Variants in TLK2 observed in about 807,000 individuals in gnomAD.
TLK2 encodes serine/threonine-protein kinase tousled-like 2.
In TLK2, 6 loss-of-function variants were observed where a neutral mutation model predicts 117.3. The ratio of observed to expected loss-of-function variants is 0.05; its 90% confidence interval spans 0.03 to 0.10. The LOEUF (loss-of-function observed/expected upper bound fraction) is 0.10. Among genes scored for constraint, TLK2 ranks in the 10% least tolerant of loss-of-function variants. The pLI, the probability that TLK2 is intolerant of heterozygous loss-of-function variation, is 1.00. For missense variants in TLK2, 299 were observed against 901.2 expected (o/e 0.33, Z 8.56); for synonymous variants, 257 against 316.7 (o/e 0.81, Z 2.00).
At chr17:62,579,439 T>C (rs139428615) in intron 14 of TLK2, among the ~76,000 whole-genome samples, 9 of 152,350 alleles carry the variant, frequency 5.9e-5, no homozygotes, top group African/African-American at 2.2e-4. Flanking sequence ...GTAATGTCTC[T>C]CCAGATAGGC....
chr17:62,595,285 T>C (rs1345807932), intron 16 of TLK2, among the ~76,000 whole-genome samples: 10 of 133,932 alleles, frequency 7.5e-5, no homozygotes, highest in African/African-American at 2.2e-4. Flanking sequence ...CTGGCCCCCT[T>C]TTTTTTTTTT....
chr17:62,571,669 A>G (rs1463937887), intron 11 of TLK2, among the ~76,000 whole-genome samples: 1 of 152,156 alleles, frequency 6.6e-6, no homozygotes, highest in Non-Finnish European at 1.5e-5. Flanking sequence ...TTTCTTTGTA[A>G]TACTCTGATT....
intron 16 of TLK2, among the ~76,000 whole-genome samples, chr17:62,593,692 AT>A (rs1257253264): frequency 6.6e-6 from 1 of 151,734 alleles, no homozygotes; most frequent in Non-Finnish European, 1.5e-5. Flanking sequence ...CACCCCCATG[AT>A]AACAATGCCT....
In TLK2 at chr17:62,573,420, C is replaced by T. The variant is rs541332831; in HGVS notation, c.1121+53C>T. On this transcript the variant is annotated intron_variant, in intron 12 of 21. Transcript: ENST00000346027. ...AGACACCACACCCTGCCCCCAAATA[C>T]AAATGTTGATTGTCACCGGCAATAG... 161 of 1,589,164 alleles carry T rather than the reference C, an allele frequency of 1.0e-4. 1 individual carries two copies. In the South Asian group the frequency reaches 1.8e-3, roughly 17 times the overall value.
intron 19 of TLK2, among the ~76,000 whole-genome samples, chr17:62,602,388 T>G (rs1471399739): frequency 6.6e-6 from 1 of 152,246 alleles, no homozygotes; most frequent in African/African-American, 2.4e-5. Context: ...TTTCCTTTCT[T>G]GAAAATCCTT....
intron 7 of TLK2, among the ~76,000 whole-genome samples, chr17:62,547,940 C>T (rs2078074053): frequency 6.6e-6 from 1 of 152,048 alleles, no homozygotes; most frequent in Non-Finnish European, 1.5e-5. Context: ...GTCTATGATT[C>T]CCCTTTGTCT....
chr17:62,512,900 C>T (rs919333187), intron 2 of TLK2, among the ~76,000 whole-genome samples: 6 of 79,550 alleles, frequency 7.5e-5, no homozygotes, highest in East Asian at 5.4e-4. Flanking sequence ...TTATTAGAGA[C>T]GAAGTTTCGC....
chr17:62,603,824 A>G (rs2083049184), intron 19 of TLK2, among the ~76,000 whole-genome samples: 1 of 152,124 alleles, frequency 6.6e-6, no homozygotes, highest in Non-Finnish European at 1.5e-5. Flanking sequence ...GTTTCTATGA[A>G]GGTTTGAAGA....
chr17:62,525,621 G>A (rs2076322434), intron 6 of TLK2, among the ~76,000 whole-genome samples: 1 of 152,058 alleles, frequency 6.6e-6, no homozygotes, highest in Non-Finnish European at 1.5e-5. Context: ...GCTAATTTTT[G>A]TATTTTTTTG....
At chr17:62,490,220 C>T (rs35384396) in intron 2 of TLK2, among the ~76,000 whole-genome samples, 76,244 of 152,168 alleles carry the variant, frequency 0.5, 21,303 homozygotes, top group East Asian at 0.81. Context: ...ACTAGACCTT[C>T]TCATTGTGTT....
intron 11 of TLK2, among the ~76,000 whole-genome samples, chr17:62,571,446 A>G (rs1316096078): frequency 6.6e-6 from 1 of 152,144 alleles, no homozygotes; most frequent in Non-Finnish European, 1.5e-5. Flanking sequence ...TGTATTTTCA[A>G]TCTGCAGTTG....
rs941891817 is a variant in TLK2, at chr17:62,613,037, G to T, written c.*472G>T. On this transcript the variant is annotated 3_prime_UTR_variant, in exon 22 of 22. Coordinates refer to ENST00000346027, the MANE Select transcript of TLK2 (RefSeq NM_006852.6). ...CTCCTGAAAAGCTTGTAGCACAAAGGCTCAGCTGGGGATGGTGTTTGACTT... is the reference window on the plus strand; with the variant it reads ...CTCCTGAAAAGCTTGTAGCACAAAGTCTCAGCTGGGGATGGTGTTTGACTT... 1 of 152,650 alleles carries T rather than the reference G, an allele frequency of 6.6e-6. No individual in the cohort carries two copies. Among genetic ancestry groups the T allele is most frequent in the Admixed American group, 6.5e-5 (1 of 15,280 alleles). The allele number at this position is 152,650 out of a possible 1,614,324, so 9.5% of individuals were successfully genotyped here.
chr17:62,485,885 A>G (rs890155207), intron 2 of TLK2, among the ~76,000 whole-genome samples: 9 of 149,340 alleles, frequency 6.0e-5, no homozygotes, highest in African/African-American at 7.4e-5. Context: ...CAGTGATGCA[A>G]TCTCTACTCA....
intron 16 of TLK2, among the ~76,000 whole-genome samples, chr17:62,591,034 G>A (rs1165728872): frequency 6.6e-6 from 1 of 152,176 alleles, no homozygotes; most frequent in Non-Finnish European, 1.5e-5. Context: ...GGTGGATCAT[G>A]AGGTCAGGAG....
At chr17:62,533,025 T>C (rs1021183122) in intron 6 of TLK2, among the ~76,000 whole-genome samples, 3 of 152,166 alleles carry the variant, frequency 2.0e-5, no homozygotes, top group South Asian at 2.1e-4. Context: ...TCATTAGTTA[T>C]GTATATTAAA....
upstream of TLK2, among the ~76,000 whole-genome samples, chr17:62,476,281 A>C (rs2071042105): frequency 5.9e-5 from 9 of 151,966 alleles, no homozygotes; most frequent in South Asian, 1.9e-3. Flanking sequence ...CACCCAGCCT[A>C]CTTTGAAAAA....
chr17:62,585,658 G>A (rs902566538), intron 15 of TLK2: 2 of 152,542 alleles, frequency 1.3e-5, no homozygotes, highest in Admixed American at 6.5e-5. Flanking sequence ...CCAAATTACA[G>A]GGTGGTTTTG....
At chr17:62,580,262 A>C (rs1264230371) in intron 15 of TLK2, 70 bp downstream of exon 15, 9 of 1,125,260 alleles carry the variant, frequency 8.0e-6, no homozygotes, top group Non-Finnish European at 1.2e-5. Flanking sequence ...GGAGAACATT[A>C]AGAATACTGA....
At position 62,518,659 on chromosome 17, in the gene TLK2, T is replaced by C. The variant is rs6504109; in HGVS notation, c.82-2114T>C. Among the ~76,000 whole-genome samples, 1,235 of 151,776 alleles carry C rather than the reference T, an allele frequency of 8.1e-3. 12 individuals carry two copies. Among genetic ancestry groups the C allele is most frequent in the African/African-American group, 0.027 (1,137 of 41,350 alleles). ...AGGCAGGGGTTGCAGTGAGCTGATATCACACCTTTGCACTCCAGCCTGGGC... is the reference window on the plus strand; with the variant it reads ...AGGCAGGGGTTGCAGTGAGCTGATACCACACCTTTGCACTCCAGCCTGGGC... On this transcript the variant is annotated intron_variant, in intron 2 of 21. Transcript: ENST00000346027.
Sources: gnomAD v4.1 joint callset for allele counts (sites outside exome capture counted in the v4.1 genomes callset) on GRCh38, gnomAD v4.1.1 for gene constraint, MANE v1.5 for transcripts, NCBI Gene and HGNC (gene_info 2026-07-23, HGNC 2026-07-21) for gene names.